STON1: variants seen among roughly 807,000 people sequenced by gnomAD.
STON1 encodes the protein stonin 1, also known as stonin-1.
In STON1, 79 loss-of-function variants were observed where a neutral mutation model predicts 60.9. That is an observed-to-expected ratio of 1.30 (90% CI 1.08 to 1.56). The LOEUF (loss-of-function observed/expected upper bound fraction) is 1.56. Ranked by LOEUF, STON1 falls within the 40% of genes most tolerant of loss-of-function variation. The pLI is 0.00. For missense variants in STON1, 1,166 were observed against 858.9 expected (o/e 1.36, Z -4.47); for synonymous variants, 363 against 306.9 (o/e 1.18, Z -1.91).
At chr2:48,563,306 G>T (rs1391502250) in intron 1 of STON1, among the ~76,000 whole-genome samples, 2 of 152,196 alleles carry the variant, frequency 1.3e-5, no homozygotes, top group Non-Finnish European at 2.9e-5. Flanking sequence ...ATGCTCTGGG[G>T]AAGAAAGCCC....
chr2:48,564,563 T>TCTTCTTCTTCTTCTTCTG (rs1558605607), intron 1 of STON1, among the ~76,000 whole-genome samples: 1 of 28,368 alleles, frequency 3.5e-5, no homozygotes, highest in East Asian at 1.3e-3. Context: ...TTCTTCTTCT[T>TCTTCTTCTTCTTCTTCTG]CTTCTCCTTC....
intron 1 of STON1, among the ~76,000 whole-genome samples, chr2:48,570,383 G>T (rs1256771591): frequency 1.3e-5 from 2 of 152,138 alleles, no homozygotes; most frequent in Non-Finnish European, 2.9e-5. Flanking sequence ...TGGGAGAAAG[G>T]GGTGGATTGT....
chr2:48,547,976 C>T lies in STON1; in HGVS notation c.-48+17760C>T, dbSNP rs530855611. On this transcript the variant is annotated intron_variant, in intron 1 of 3. Coordinates refer to ENST00000404752, the MANE Select transcript of STON1 (RefSeq NM_006873.4). The stretch of plus-strand genomic sequence containing the variant: ...TTTTTTTCTGCTTCTCATGTCCTTA[C>T]CAAATCAAGTCTAGGTAAACACTTT... Among the ~76,000 whole-genome samples the T allele has an allele frequency of 9.2e-5, 14 of 152,302 alleles. No homozygotes were observed. The South Asian group carries it at 2.1e-3, about 23-fold the overall frequency.
chr2:48,544,414 G>A (rs189896881), intron 1 of STON1, among the ~76,000 whole-genome samples: 12 of 152,320 alleles, frequency 7.9e-5, no homozygotes, highest in Admixed American at 5.9e-4. Flanking sequence ...CAGAAATTCA[G>A]AGAAAGGGCT....
At chr2:48,568,389 G>C (rs560603116) in intron 1 of STON1, among the ~76,000 whole-genome samples, 1 of 152,288 alleles carries the variant, frequency 6.6e-6, no homozygotes, top group East Asian at 1.9e-4. Context: ...CAATCTACAG[G>C]AGAAGGTAGA....
At chr2:48,583,886 G>A (rs1000582288) in intron 2 of STON1, among the ~76,000 whole-genome samples, 1 of 151,834 alleles carries the variant, frequency 6.6e-6, no homozygotes, top group Admixed American at 6.6e-5. Flanking sequence ...GGAGTAGCTG[G>A]AACTACAGGC....
At chr2:48,569,450 G>A (rs947757825) in intron 1 of STON1, among the ~76,000 whole-genome samples, 3 of 151,572 alleles carry the variant, frequency 2.0e-5, no homozygotes, top group African/African-American at 7.3e-5. Flanking sequence ...ATGATTCTTT[G>A]AACTGGGAGG....
intron 1 of STON1, among the ~76,000 whole-genome samples, chr2:48,567,672 C>T (rs113260954): frequency 0.022 from 3,312 of 152,176 alleles, 125 homozygotes; most frequent in African/African-American, 0.075. Context: ...CAAAGTGCTG[C>T]GATTACAGGC....
intron 1 of STON1, among the ~76,000 whole-genome samples, chr2:48,572,955 C>T (rs1673293175): frequency 6.6e-6 from 1 of 152,226 alleles, no homozygotes; most frequent in Non-Finnish European, 1.5e-5. Context: ...GGGCTGCCCT[C>T]CGCTGTGTGT....
intron 1 of STON1, among the ~76,000 whole-genome samples, chr2:48,537,403 A>G (rs35702031): frequency 0.022 from 3,380 of 152,268 alleles, 69 homozygotes; most frequent in Non-Finnish European, 0.035. Context: ...TTGATATTAC[A>G]TTGTGATAAG....
At chr2:48,592,618 A>ATTATTT (rs1674587455) in intron 3 of STON1, among the ~76,000 whole-genome samples, 1 of 147,414 alleles carries the variant, frequency 6.8e-6, no homozygotes, top group East Asian at 2.0e-4. Context: ...TATTATTATT[A>ATTATTT]TTATTATTAT....
Position 48,587,283 on chromosome 2 carries a change from G to GTATT in STON1, c.1931-4346_1931-4343dup, listed in dbSNP as rs10557905. On this transcript the variant is annotated intron_variant, in intron 2 of 3. Coordinates refer to ENST00000404752, the MANE Select transcript of STON1 (RefSeq NM_006873.4). ...GACCTCTGTTATTGCTCTCCCATGA[G>GTATT]TATTTATTTATTTATTTATTTATTT... Among the ~76,000 whole-genome samples the GTATT allele has an allele frequency of 2.0e-3, 301 of 151,328 alleles. 1 individual carries two copies. Among genetic ancestry groups the GTATT allele is most frequent in the Middle Eastern group, 6.8e-3 (2 of 292 alleles).
At position 48,583,754 on chromosome 2, in the gene STON1, CTTTTTTTT is replaced by C. The variant is rs905822150; in HGVS notation, c.1930+1200_1930+1207del. On this transcript the variant is annotated intron_variant, in intron 2 of 3. Coordinates refer to ENST00000404752, the MANE Select transcript of STON1 (RefSeq NM_006873.4). ...ATCCATTGATCCAAATCTTTTTTTT[CTTTTTTTT>C]TTTTTTTTGAGATGGAGTCTCGCTT... is the stretch of plus-strand genomic sequence containing the variant. 4.5e-5 allele frequency among the ~76,000 whole-genome samples: 6 copies of C among 133,698 alleles called. No homozygotes were observed. The Admixed American group carries it at 4.6e-4, about 10-fold the overall frequency. The allele number at this position is 133,698 out of a possible 152,430, so 87.7% of individuals were successfully genotyped here.
chr2:48,592,304 C>T (rs1005221471), intron 3 of STON1, among the ~76,000 whole-genome samples: 7 of 152,048 alleles, frequency 4.6e-5, no homozygotes. Context: ...CCCAGTTTTT[C>T]CCAACTCATT....
intron 1 of STON1, among the ~76,000 whole-genome samples, chr2:48,545,324 C>A (rs1461363672): frequency 6.6e-6 from 1 of 152,164 alleles, no homozygotes; most frequent in Non-Finnish European, 1.5e-5. Context: ...CTTTCAACAG[C>A]CCCTGCTTGT....
chr2:48,581,057 T>G lies in STON1; in HGVS notation c.424T>G (p.Cys142Gly), dbSNP rs760927759. The change falls in exon 2 of 4, where the codon TGT (cysteine) becomes GGT (glycine). Residue 142 changes from cysteine (C) to glycine (G), a missense_variant. Coordinates refer to ENST00000404752, the MANE Select transcript of STON1 (RefSeq NM_006873.4). Reference sequence around the variant, plus strand: ...TGCCTTGTTACCCAGTGACCACTCATGTACACATCCAACTCCCAAAGTAGG... The same window carrying G: ...TGCCTTGTTACCCAGTGACCACTCAGGTACACATCCAACTCCCAAAGTAGG... ...SHALLPSDHS[C>G]THPTPKVGLP... 1 of 1,593,944 alleles carries G rather than the reference T, an allele frequency of 6.3e-7. No homozygotes were observed. The highest frequency in any genetic ancestry group is 8.5e-7 in the Non-Finnish European group (1 of 1,172,150).
At position 48,581,141 on chromosome 2, in the gene STON1, C is replaced by T; in HGVS notation, c.508C>T (p.Leu170Phe). ...AAGCCTAGGATTCCAAAGTGATGATCTCCCCCAGTTTCAGTATTTTCGAGA... is the reference window on the plus strand; with the variant it reads ...AAGCCTAGGATTCCAAAGTGATGATTTCCCCCAGTTTCAGTATTTTCGAGA... ...AESLGFQSDD[L>F]PQFQYFREDC... The change falls in exon 2 of 4, where the codon CTC becomes TTC. Residue 170 changes from leucine (L) to phenylalanine (F), a missense_variant. By Grantham distance (22) the Leu-to-Phe change is conservative. Coordinates refer to ENST00000404752, the MANE Select transcript of STON1 (RefSeq NM_006873.4). The T allele has an allele frequency of 6.3e-7, 1 of 1,577,258 alleles. No homozygotes were observed.
At chr2:48,584,668 G>A (rs187226555) in intron 2 of STON1, among the ~76,000 whole-genome samples, 189 of 152,200 alleles carry the variant, frequency 1.2e-3, no homozygotes, top group African/African-American at 4.1e-3. Context: ...GGGGGTGGGC[G>A]GTGGGGAGGG....
At position 48,591,666 on chromosome 2, in the gene STON1, C is replaced by G. The variant is rs1213216895; in HGVS notation, c.1944C>G (p.Pro648=). Reference sequence around the variant, plus strand: ...TTTTCCCTCGAGGTCTAGATCATCCCCATTGTCTGTCATACAAATTAGAGC... The same window carrying G: ...TTTTCCCTCGAGGTCTAGATCATCCGCATTGTCTGTCATACAAATTAGAGC... The part of the protein sequence containing the change: ...LPDKNSSLDH[P]HCLSYKLELG... Residue 648 remains proline, a synonymous_variant, in exon 3 of 4, where the codon CCC becomes CCG. Transcript: ENST00000404752. 1.9e-6 allele frequency: 3 copies of G among 1,613,918 alleles called. No individual in the cohort carries two copies. The highest frequency in any genetic ancestry group is 3.3e-5 in the Admixed American group (2 of 60,006).
Sources: allele counts gnomAD v4.1 joint callset (sites outside exome capture counted in the v4.1 genomes callset), GRCh38; gene constraint gnomAD v4.1.1; transcripts MANE v1.5; gene names NCBI Gene and HGNC (gene_info 2026-07-23, HGNC 2026-07-21).